ANKRD31: variants seen among roughly 807,000 people sequenced by gnomAD.
ANKRD31 encodes ankyrin repeat domain-containing protein 31.
Under a neutral mutation model 186.0 loss-of-function variants are expected in ANKRD31, and 147 were observed. That is an observed-to-expected ratio of 0.79 (90% CI 0.69 to 0.91). ANKRD31 has a LOEUF of 0.91. Among genes scored for constraint, ANKRD31 ranks in the 40% least tolerant of loss-of-function variants. The pLI, the probability that ANKRD31 is intolerant of heterozygous loss-of-function variation, is 0.00. For missense variants in ANKRD31, 1,986 were observed against 2,148.8 expected (o/e 0.92, Z 1.50); for synonymous variants, 673 against 736.4 (o/e 0.91, Z 1.39).
chr5:75,172,093 A>C (rs1047349275), intron 10 of ANKRD31, among the ~76,000 whole-genome samples: 3 of 151,970 alleles, frequency 2.0e-5, no homozygotes, highest in African/African-American at 7.2e-5. Context: ...AATCACAGAC[A>C]AAAGAATTAT....
At chr5:75,213,848 T>C (rs960640927) in intron 3 of ANKRD31, among the ~76,000 whole-genome samples, 2 of 152,204 alleles carry the variant, frequency 1.3e-5, no homozygotes, top group Non-Finnish European at 2.9e-5. Flanking sequence ...CTTTCACTGA[T>C]TCATGGATAA....
rs551178927 is a variant in ANKRD31, at chr5:75,097,683, T to C, written c.5332-6282A>G. On this transcript the variant is annotated intron_variant, in intron 22 of 25. Coordinates refer to ENST00000506364, the MANE Select transcript of ANKRD31 (RefSeq NM_001372053.1). Reference sequence around the variant, plus strand: ...TTAATTAGATCCCATTTGTCAGTTTTGGCTTCTGTTGCCATTGCTTTTGGT... The same window carrying C: ...TTAATTAGATCCCATTTGTCAGTTTCGGCTTCTGTTGCCATTGCTTTTGGT... 1.5e-4 allele frequency among the ~76,000 whole-genome samples: 23 copies of C among 152,370 alleles called. 1 individual carries two copies. Among genetic ancestry groups the C allele is most frequent in the South Asian group, 6.2e-4 (3 of 4,830 alleles).
intron 6 of ANKRD31, among the ~76,000 whole-genome samples, chr5:75,198,190 C>A (rs192291322): frequency 2.2e-4 from 34 of 152,268 alleles, no homozygotes; most frequent in Admixed American, 1.8e-3. Flanking sequence ...AAGTCCTTTC[C>A]CTTACCTTCT....
At chr5:75,084,243 C>A in intron 24 of ANKRD31, 29 bp downstream of exon 24, 1 of 1,480,914 alleles carries the variant, frequency 6.8e-7, no homozygotes, top group Non-Finnish European at 9.1e-7. Context: ...TATCCCACAA[C>A]GAAGAAATGA....
intron 5 of ANKRD31, among the ~76,000 whole-genome samples, chr5:75,203,176 C>T (rs1755926007): frequency 2.0e-5 from 3 of 152,134 alleles, no homozygotes; most frequent in Admixed American, 2.0e-4. Flanking sequence ...AGAGTGGTGA[C>T]AACAGTGCAC....
intron 3 of ANKRD31, among the ~76,000 whole-genome samples, chr5:75,219,341 A>G (rs1757149151): frequency 6.6e-6 from 1 of 152,186 alleles, no homozygotes; most frequent in Non-Finnish European, 1.5e-5. Flanking sequence ...CCTATACACC[A>G]AAAGCAGCCA....
At chr5:75,118,894 G>A (rs1319797361) in intron 17 of ANKRD31, among the ~76,000 whole-genome samples, 1 of 152,060 alleles carries the variant, frequency 6.6e-6, no homozygotes, top group Non-Finnish European at 1.5e-5. Flanking sequence ...GGATAGGGTA[G>A]AAAAGTGGGG....
chr5:75,224,137 ATATATATATATATATATATATATG>A lies in ANKRD31; in HGVS notation c.179-1803_179-1780del, dbSNP rs1190371193. Among the ~76,000 whole-genome samples the A allele has an allele frequency of 2.4e-3, 148 of 61,174 alleles. 4 individuals carry two copies. The highest frequency in any genetic ancestry group is 0.018 in the African/African-American group (127 of 7,158). The allele number at this position is 61,174 out of a possible 152,430, so 40.1% of individuals were successfully genotyped here. A position where few individuals can be genotyped will look rare whatever the true frequency, so the allele number is the denominator to read the frequency against. On this transcript the variant is annotated intron_variant, in intron 2 of 25. Coordinates refer to ENST00000506364, the MANE Select transcript of ANKRD31 (RefSeq NM_001372053.1). ...AGATCTCTCAGAAATAATTATATAT[ATATATATATATATATATATATATG>A]TATATATATATATATATACACACAT...
intron 3 of ANKRD31, among the ~76,000 whole-genome samples, chr5:75,221,715 C>G (rs1757314959): frequency 6.6e-6 from 1 of 152,160 alleles, no homozygotes; most frequent in African/African-American, 2.4e-5. Context: ...AACCCCTCCT[C>G]TTTCTCTCTT....
intron 14 of ANKRD31, 28 bp downstream of exon 14, chr5:75,145,959 T>C (rs1271775644): frequency 2.2e-6 from 3 of 1,385,450 alleles, no homozygotes; most frequent in Admixed American, 2.9e-5. Context: ...ATAGGAAATA[T>C]GTACAGATTA....
At chr5:75,159,493 G>T (rs1023340503) in intron 11 of ANKRD31, among the ~76,000 whole-genome samples, 1 of 151,798 alleles carries the variant, frequency 6.6e-6, no homozygotes, top group Non-Finnish European at 1.5e-5. Flanking sequence ...AAAGGAAAAA[G>T]AACTTATCAT....
intron 5 of ANKRD31, among the ~76,000 whole-genome samples, chr5:75,205,422 T>C (rs1209499228): frequency 6.6e-6 from 1 of 152,202 alleles, no homozygotes; most frequent in Non-Finnish European, 1.5e-5. Flanking sequence ...GCATCCTTGC[T>C]TTTCAGTAAT....
At chr5:75,156,697 G>A (rs1306381533) in intron 11 of ANKRD31, among the ~76,000 whole-genome samples, 1 of 152,106 alleles carries the variant, frequency 6.6e-6, no homozygotes, top group Non-Finnish European at 1.5e-5. Context: ...CACACACAGA[G>A]GAAAAGCTGA....
chr5:75,185,760 A>AT (rs1754668617), intron 10 of ANKRD31, among the ~76,000 whole-genome samples: 1 of 150,950 alleles, frequency 6.6e-6, no homozygotes, highest in East Asian at 1.9e-4. Flanking sequence ...ATATACATGT[A>AT]TTAAAAAAAC....
chr5:75,072,816 C>G (rs954345421), intron 25 of ANKRD31, among the ~76,000 whole-genome samples: 1 of 152,076 alleles, frequency 6.6e-6, no homozygotes, highest in Non-Finnish European at 1.5e-5. Flanking sequence ...ACTACAATAA[C>G]GATATTACAA....
At chr5:75,224,163 A>ATG (rs1757495088) in intron 2 of ANKRD31, among the ~76,000 whole-genome samples, 1 of 91,584 alleles carries the variant, frequency 1.1e-5, no homozygotes, top group Non-Finnish European at 2.2e-5. Flanking sequence ...ATATATATGT[A>ATG]TATATATATA....
chr5:75,168,941 A>G, intron 11 of ANKRD31, 38 bp downstream of exon 11: 1 of 1,486,596 alleles, frequency 6.7e-7, no homozygotes, highest in South Asian at 1.3e-5. Flanking sequence ...TATTTGCAAA[A>G]TATAGTATTT....
At chr5:75,198,059 T>C (rs1328259460) in intron 6 of ANKRD31, among the ~76,000 whole-genome samples, 3 of 152,220 alleles carry the variant, frequency 2.0e-5, no homozygotes, top group Non-Finnish European at 2.9e-5. Context: ...ACTGGTACTC[T>C]TTCTGAAGAA....
chr5:75,141,719 T>C (rs1383141291), intron 15 of ANKRD31, among the ~76,000 whole-genome samples: 2 of 151,844 alleles, frequency 1.3e-5, no homozygotes, highest in Admixed American at 6.6e-5. Context: ...GGGAGAATCA[T>C]GTGAGCCTGG....
Sources: allele counts gnomAD v4.1 joint callset (sites outside exome capture counted in the v4.1 genomes callset), GRCh38; gene constraint gnomAD v4.1.1; transcripts MANE v1.5; gene names NCBI Gene and HGNC (gene_info 2026-07-23, HGNC 2026-07-21).